Variants in CNTN4 observed in about 807,000 individuals in gnomAD.
The protein encoded by CNTN4 is contactin 4.
In CNTN4, 77 loss-of-function variants were observed where a neutral mutation model predicts 122.5. The ratio of observed to expected loss-of-function variants is 0.63; its 90% CI spans 0.52 to 0.76. CNTN4 has a LOEUF of 0.76. Among genes scored for constraint, CNTN4 ranks in the 30% least tolerant of loss-of-function variants. The probability of loss-of-function intolerance (pLI) is 0.00; values close to 1 mark genes in which losing one functional copy is unlikely to be tolerated. For missense variants in CNTN4, 1,256 were observed against 1,259.1 expected, an observed-to-expected ratio of 1.00 and a Z score of 0.04; for synonymous variants, 512 against 447.0, an observed-to-expected ratio of 1.15 and a Z score of -1.83.
chr3:2,609,062 C>G (rs1414047112), intron 4 of CNTN4, among the ~76,000 whole-genome samples: 2 of 152,194 alleles, frequency 1.3e-5, no homozygotes, highest in Admixed American at 6.5e-5. Flanking sequence ...TCTGTGGAAA[C>G]ACTGATTTTT....
intron 7 of CNTN4, among the ~76,000 whole-genome samples, chr3:2,849,382 G>A (rs188238112): frequency 8.5e-5 from 13 of 152,326 alleles, no homozygotes; most frequent in Non-Finnish European, 8.8e-5. Flanking sequence ...GCACTGAACT[G>A]TGCACTTACA....
chr3:2,290,734 G>A (rs559814057), intron 2 of CNTN4, among the ~76,000 whole-genome samples: 2 of 152,160 alleles, frequency 1.3e-5, no homozygotes, highest in Non-Finnish European at 2.9e-5. Flanking sequence ...TTTAAGCAGA[G>A]TGTGAGATCA....
At position 2,736,353 on chromosome 3, in the gene CNTN4, T is replaced by G; in HGVS notation, c.182+12T>G. ...AAACCTCATATCAGGTTTGTTGATGTAAAAGCATGTGTTTCCATGCATATA... is the reference window on the plus strand; with the variant it reads ...AAACCTCATATCAGGTTTGTTGATGGAAAAGCATGTGTTTCCATGCATATA... On this transcript the variant is annotated intron_variant, in intron 5 of 24. Coordinates refer to ENST00000418658, the MANE Select transcript of CNTN4 (RefSeq NM_175607.3). 1 of 1,612,300 alleles carries G rather than the reference T, an allele frequency of 6.2e-7. No individual in the cohort carries two copies. Among genetic ancestry groups the G allele is most frequent in the South Asian group, 1.1e-5 (1 of 91,050 alleles).
intron 2 of CNTN4, among the ~76,000 whole-genome samples, chr3:2,276,463 T>C (rs535565660): frequency 3.3e-5 from 5 of 152,148 alleles, no homozygotes; most frequent in Non-Finnish European, 5.9e-5. Context: ...CGTGAGCCAC[T>C]GCGGCAGGCT....
At chr3:2,880,896 G>C (rs193250045) in intron 8 of CNTN4, among the ~76,000 whole-genome samples, 1 of 152,104 alleles carries the variant, frequency 6.6e-6, no homozygotes, top group African/African-American at 2.4e-5. Flanking sequence ...AGGGATAAGC[G>C]TCCCTTCAAG....
chr3:2,962,433 A>G (rs987519342), intron 13 of CNTN4, among the ~76,000 whole-genome samples: 3 of 152,268 alleles, frequency 2.0e-5, no homozygotes, highest in African/African-American at 7.2e-5. Context: ...GTTAACCAAA[A>G]TAACTCTAGC....
chr3:2,568,367 A>G (rs2079275744), intron 3 of CNTN4, among the ~76,000 whole-genome samples: 1 of 146,898 alleles, frequency 6.8e-6, no homozygotes, highest in Non-Finnish European at 1.5e-5. Context: ...TCAGTTATTC[A>G]TCTCCTCCTG....
intron 2 of CNTN4, among the ~76,000 whole-genome samples, chr3:2,282,550 C>A (rs996372957): frequency 2.6e-5 from 4 of 151,980 alleles, no homozygotes; most frequent in Non-Finnish European, 5.9e-5. Context: ...ATGACTGACC[C>A]AAGGTGTGCA....
chr3:2,431,639 A>C (rs144456429), intron 3 of CNTN4, among the ~76,000 whole-genome samples: 1 of 152,206 alleles, frequency 6.6e-6, no homozygotes, highest in South Asian at 2.1e-4. Context: ...GTCAGTCACT[A>C]TGCTTGCCGC....
At chr3:2,839,429 CAG>C (rs1427588327) in intron 7 of CNTN4, among the ~76,000 whole-genome samples, 2 of 150,892 alleles carry the variant, frequency 1.3e-5, no homozygotes, top group Non-Finnish European at 3.0e-5. Context: ...AAAAAAAAGA[CAG>C]TGGGAATCAC....
chr3:2,288,611 G>A (rs745514671), intron 2 of CNTN4, among the ~76,000 whole-genome samples: 2 of 151,916 alleles, frequency 1.3e-5, no homozygotes, highest in Non-Finnish European at 2.9e-5. Context: ...AAAGAAATTG[G>A]GAAAGATTGC....
intron 3 of CNTN4, among the ~76,000 whole-genome samples, chr3:2,482,096 C>A (rs1168856617): frequency 6.6e-6 from 1 of 152,088 alleles, no homozygotes; most frequent in Non-Finnish European, 1.5e-5. Flanking sequence ...GTTTGGAGGG[C>A]TCAGAAGACA....
chr3:2,498,350 C>T (rs982025678), intron 3 of CNTN4, among the ~76,000 whole-genome samples: 14 of 152,148 alleles, frequency 9.2e-5, no homozygotes, highest in African/African-American at 2.4e-4. Context: ...GAAATGTTTT[C>T]CAGAGTGTCT....
At chr3:2,857,459 C>T (rs939627020) in intron 7 of CNTN4, among the ~76,000 whole-genome samples, 3 of 152,172 alleles carry the variant, frequency 2.0e-5, no homozygotes, top group Non-Finnish European at 2.9e-5. Context: ...AAGAAACATT[C>T]TTTATCCCCC....
rs1393183248 is a variant in CNTN4 at position 2,630,755 on chromosome 3, G to A, written c.55+59197G>A. ...GTACTATATGTTTAATAAAATCTTA[G>A]GAATACTAGGATTTGTTGAGTAGCG... On this transcript the variant is annotated intron_variant, in intron 4 of 24. Transcript: ENST00000418658. Among the ~76,000 whole-genome samples, 3 of 151,096 alleles carry A rather than the reference G, an allele frequency of 2.0e-5. No individual in the cohort carries two copies. In the Admixed American group the frequency reaches 2.0e-4, roughly 10 times the overall value.
At chr3:2,150,350 G>C (rs896104672) in intron 2 of CNTN4, among the ~76,000 whole-genome samples, 1 of 152,126 alleles carries the variant, frequency 6.6e-6, no homozygotes, top group Non-Finnish European at 1.5e-5. Flanking sequence ...ATATCCTAAA[G>C]CAACTTATTT....
In CNTN4 at chr3:2,580,934, C is replaced by G. The variant is rs191583467; in HGVS notation, c.55+9376C>G. Among the ~76,000 whole-genome samples the G allele has an allele frequency of 3.2e-4, 48 of 152,248 alleles. No homozygotes were observed. In the East Asian group the frequency reaches 8.5e-3, roughly 27 times the overall value. On this transcript the variant is annotated intron_variant, in intron 4 of 24. Transcript: ENST00000418658. ...GGCAGCATTTAAATTTAGGTCTGCC[C>G]AGGTCCAAAGCCTGGGCTTTTAATT...
At chr3:2,998,658 A>AT (rs565008771) in intron 14 of CNTN4, among the ~76,000 whole-genome samples, 46 of 151,984 alleles carry the variant, frequency 3.0e-4, no homozygotes, top group African/African-American at 1.1e-3. Flanking sequence ...TAAAAAAAAA[A>AT]GTCAAGGTAA....
intron 8 of CNTN4, among the ~76,000 whole-genome samples, chr3:2,868,471 T>A (rs1029159228): frequency 6.6e-6 from 1 of 152,126 alleles, no homozygotes; most frequent in Non-Finnish European, 1.5e-5. Flanking sequence ...CCAAGTTTGT[T>A]ACTCTTTCCC....
Sources: gnomAD v4.1 joint callset for allele counts (sites outside exome capture counted in the v4.1 genomes callset) on GRCh38, gnomAD v4.1.1 for gene constraint, MANE v1.5 for transcripts, NCBI Gene and HGNC (gene_info 2026-07-23, HGNC 2026-07-21) for gene names.